The following FAM168A variants were observed in gnomAD, a reference collection of about 807,000 sequenced individuals.
FAM168A encodes the protein family with sequence similarity 168 member A.
FAM168A carries 3 observed loss-of-function variants against 28.5 expected under a neutral mutation model. The observed-to-expected ratio is 0.11, with a 90% CI of 0.05 to 0.27. The LOEUF (loss-of-function observed/expected upper bound fraction) is 0.27. FAM168A is among the 10% of genes least tolerant of loss of function. FAM168A has a pLI of 1.00. For synonymous variants in FAM168A, 122 were observed against 124.2 expected (o/e 0.98, Z 0.12); for missense variants, 222 against 311.5 (o/e 0.71, Z 2.16).
chr11:73,425,571 T>C, intron 3 of FAM168A, among the ~76,000 whole-genome samples: 1 of 152,230 alleles, frequency 6.6e-6, no homozygotes. Context: ...CAAGTTGGGT[T>C]TGAATCCCAG....
At chr11:73,447,778 GGGTCTATCCAA>G (rs748730385) in intron 2 of FAM168A, among the ~76,000 whole-genome samples, 32 of 151,220 alleles carry the variant, frequency 2.1e-4, no homozygotes, top group Non-Finnish European at 3.4e-4. Flanking sequence ...CCCTTGGCCT[GGGTCTATCCAA>G]GATAGACCCA....
intron 1 of FAM168A, among the ~76,000 whole-genome samples, chr11:73,590,156 C>A (rs1256858730): frequency 1.3e-5 from 2 of 151,050 alleles, no homozygotes; most frequent in South Asian, 2.1e-4. Context: ...AATCCCAGTA[C>A]TTTGGGAGGC....
intron 1 of FAM168A, among the ~76,000 whole-genome samples, chr11:73,535,418 C>CT (rs557433454): frequency 0.026 from 3,447 of 132,258 alleles, 66 homozygotes; most frequent in Middle Eastern, 0.04. Flanking sequence ...TTCTTTCTTT[C>CT]TTTTTTTTTT....
chr11:73,431,560 G>C (rs1006582974), intron 2 of FAM168A, among the ~76,000 whole-genome samples: 1 of 152,026 alleles, frequency 6.6e-6, no homozygotes, highest in African/African-American at 2.4e-5. Flanking sequence ...GGCTCGAAGG[G>C]GTTGGAAATG....
chr11:73,569,868 G>A (rs528157178), intron 1 of FAM168A, among the ~76,000 whole-genome samples: 53 of 135,594 alleles, frequency 3.9e-4, no homozygotes, highest in African/African-American at 1.1e-3. Context: ...AAACAAAATA[G>A]ATGTGAAGCT....
intron 2 of FAM168A, among the ~76,000 whole-genome samples, chr11:73,437,930 G>C (rs1400052007): frequency 6.6e-6 from 1 of 152,126 alleles, no homozygotes; most frequent in African/African-American, 2.4e-5. Flanking sequence ...CCTGTGATCA[G>C]ACTTCAATTT....
chr11:73,418,982 TTG>T (rs1866744035), intron 4 of FAM168A, among the ~76,000 whole-genome samples: 1 of 152,032 alleles, frequency 6.6e-6, no homozygotes, highest in Admixed American at 6.5e-5. Flanking sequence ...CTAATTTTTT[TTG>T]TATTTTTAGT....
At chr11:73,475,799 C>T (rs1243730211) in intron 1 of FAM168A, among the ~76,000 whole-genome samples, 1 of 152,172 alleles carries the variant, frequency 6.6e-6, no homozygotes, top group Non-Finnish European at 1.5e-5. Flanking sequence ...CAGGCTAGAC[C>T]AGGCTAAAAG....
Position 73,404,634 on chromosome 11 carries a change from A to G in FAM168A, c.*2129T>C, listed in dbSNP as rs564416384. 6.6e-6 allele frequency: 1 copy of G among 152,170 alleles called. No individual in the cohort carries two copies. Among genetic ancestry groups the G allele is most frequent in the Non-Finnish European group, 1.5e-5 (1 of 68,018 alleles). The allele number at this position is 152,170 out of a possible 1,614,324, so 9.4% of individuals were successfully genotyped here. A position where few individuals can be genotyped will look rare whatever the true frequency, so the allele number is the denominator to read the frequency against. On this transcript the variant is annotated 3_prime_UTR_variant, in exon 8 of 8. Coordinates refer to ENST00000356467, the MANE Select transcript of FAM168A (RefSeq NM_015159.3). ...CAGAACAGATAATTTAGAACAGCTG[A>G]ATTTTTTCTTACTGGTCCTAAAGTT...
chr11:73,514,677 C>CA (rs1943276017), intron 1 of FAM168A, among the ~76,000 whole-genome samples: 1 of 152,040 alleles, frequency 6.6e-6, no homozygotes, highest in Non-Finnish European at 1.5e-5. Flanking sequence ...TACAAAAATA[C>CA]AAAAAATTAA....
chr11:73,418,103 C>CAGTTTAT (rs1866727040), intron 4 of FAM168A, among the ~76,000 whole-genome samples: 1 of 152,074 alleles, frequency 6.6e-6, no homozygotes, highest in African/African-American at 2.4e-5. Context: ...AGGTGAGTTA[C>CAGTTTAT]GTTGTATAAA....
At chr11:73,587,882 T>G (rs1352910858) in intron 1 of FAM168A, among the ~76,000 whole-genome samples, 1 of 152,094 alleles carries the variant, frequency 6.6e-6, no homozygotes, top group African/African-American at 2.4e-5. Context: ...CCCAAGTAGC[T>G]GGGATTACAG....
At chr11:73,420,104 A>C in intron 3 of FAM168A, 105 bp from the exon 4 acceptor site, 1 of 1,401,184 alleles carries the variant, frequency 7.1e-7, no homozygotes, top group Non-Finnish European at 9.7e-7. Flanking sequence ...CATACAACCC[A>C]AGGGGCCTGT....
intron 5 of FAM168A, among the ~76,000 whole-genome samples, chr11:73,410,837 A>G (rs1213170652): frequency 6.6e-6 from 1 of 152,176 alleles, no homozygotes; most frequent in African/African-American, 2.4e-5. Flanking sequence ...CTCTCATACC[A>G]ATCCTGGAAT....
At chr11:73,460,905 A>G (rs1441322515) in intron 2 of FAM168A, among the ~76,000 whole-genome samples, 1 of 152,224 alleles carries the variant, frequency 6.6e-6, no homozygotes, top group Non-Finnish European at 1.5e-5. Flanking sequence ...TACCTTGTTT[A>G]AAGAAATCTA....
intron 1 of FAM168A, among the ~76,000 whole-genome samples, chr11:73,493,748 CTT>C (rs998186869): frequency 2.6e-5 from 4 of 152,104 alleles, no homozygotes; most frequent in African/African-American, 2.4e-5. Flanking sequence ...AGGAACATAA[CTT>C]ATCCTGAAAA....
intron 1 of FAM168A, among the ~76,000 whole-genome samples, chr11:73,532,974 T>C (rs1943532694): frequency 1.3e-5 from 2 of 152,208 alleles, no homozygotes; most frequent in Admixed American, 6.5e-5. Context: ...AAATGAGAAG[T>C]ATTCCTTACT....
intron 1 of FAM168A, among the ~76,000 whole-genome samples, chr11:73,511,427 G>A (rs191770696): frequency 2.0e-5 from 3 of 151,894 alleles, no homozygotes; most frequent in East Asian, 3.9e-4. Context: ...CAGTAGAGAC[G>A]GGGTTTCACC....
chr11:73,528,586 T>C (rs1355406464), intron 1 of FAM168A, among the ~76,000 whole-genome samples: 1 of 152,182 alleles, frequency 6.6e-6, no homozygotes, highest in African/African-American at 2.4e-5. Flanking sequence ...TAGCTGTCCT[T>C]TCACCACTTT....
Sources: gnomAD v4.1 joint callset for allele counts (sites outside exome capture counted in the v4.1 genomes callset) on GRCh38, gnomAD v4.1.1 for gene constraint, MANE v1.5 for transcripts, NCBI Gene and HGNC (gene_info 2026-07-23, HGNC 2026-07-21) for gene names.